RTL9: variants seen among roughly 807,000 people sequenced by gnomAD.
The protein encoded by RTL9 is retrotransposon Gag-like protein 9.
RTL9 carries 19 observed loss-of-function variants against 44.7 expected under a neutral mutation model. The ratio of observed to expected loss-of-function variants is 0.42; its 90% CI spans 0.30 to 0.62. The LOEUF (loss-of-function observed/expected upper bound fraction) is 0.62. Ranked by LOEUF, RTL9 falls within the 20% of genes least tolerant of loss-of-function variation. The probability of loss-of-function intolerance (pLI) is 0.16; values close to 1 mark genes in which losing one functional copy is unlikely to be tolerated. For missense variants in RTL9, 1,105 were observed against 1,080.6 expected (o/e 1.02, Z -0.32); for synonymous variants, 407 against 398.9 (o/e 1.02, Z -0.24).
chrX:110,375,784 A>G (rs183921460), intron 1 of RTL9, among the ~76,000 whole-genome samples: 427 of 112,260 alleles, frequency 3.8e-3, no homozygotes, highest in Middle Eastern at 0.014. Flanking sequence ...AATGATTTCA[A>G]GTTTTCTTAG....
At chrX:110,389,894 A>T (rs2068483082) in intron 1 of RTL9, among the ~76,000 whole-genome samples, 1 of 112,216 alleles carries the variant, frequency 8.9e-6, no homozygotes, top group South Asian at 3.7e-4. Context: ...AGAAGCATAG[A>T]CACATCCTGT....
intron 1 of RTL9, among the ~76,000 whole-genome samples, chrX:110,374,901 TATG>T (rs2068365616): frequency 9.0e-6 from 1 of 111,199 alleles, no homozygotes; most frequent in African/African-American, 3.3e-5. Context: ...AGTGTCTGCA[TATG>T]ATATTATACA....
chrX:110,429,762 G>A (rs1056414166), intron 1 of RTL9, among the ~76,000 whole-genome samples: 3 of 112,095 alleles, frequency 2.7e-5, no homozygotes, highest in African/African-American at 9.7e-5. Context: ...GATTACAGGC[G>A]TTGAGCCACC....
intron 1 of RTL9, chrX:110,426,698 C>T (rs184149915): frequency 2.7e-5 from 3 of 111,730 alleles, no homozygotes; most frequent in East Asian, 2.8e-4. Context: ...ACCTGGAGCT[C>T]GGGTGGGTGG....
intron 1 of RTL9, among the ~76,000 whole-genome samples, chrX:110,427,065 A>G (rs573226799): frequency 8.9e-6 from 1 of 112,171 alleles, no homozygotes; most frequent in South Asian, 3.8e-4. Context: ...CCTGCCAAGT[A>G]TATTTCCTAA....
rs746059816 is a variant in RTL9 at position 110,434,706 on chromosome X, G to A, written c.-167-10447G>A. Among the ~76,000 whole-genome samples the A allele has an allele frequency of 2.7e-5, 3 of 111,421 alleles. No homozygotes were observed. In the South Asian group the frequency reaches 1.2e-3, roughly 43 times the overall value. Reference sequence around the variant, plus strand: ...CTTGCTGGGTTTGGAGTGCTGGATAGCGGACATGTCCAGCAAGAAACTGGG... The same window carrying A: ...CTTGCTGGGTTTGGAGTGCTGGATAACGGACATGTCCAGCAAGAAACTGGG... On this transcript the variant is annotated intron_variant, in intron 1 of 3. Coordinates refer to the RTL9 transcript ENST00000465301.
exon 2 of RTL9, chrX:110,455,590 C>G (rs2068976135): frequency 3.9e-6 from 1 of 254,505 alleles, no homozygotes; most frequent in South Asian, 1.8e-4. Flanking sequence ...CGAGGCCAGT[C>G]CTAGTTCTTG....
chrX:110,414,961 CAT>C (rs761841113), upstream of RTL9, among the ~76,000 whole-genome samples: 1 of 110,494 alleles, frequency 9.1e-6, no homozygotes, highest in Non-Finnish European at 1.9e-5. Flanking sequence ...AAGAAGAAAG[CAT>C]ATATATATAT....
rs902351276 is a variant in RTL9 at position 110,362,688 on chromosome X, T to G, written c.-168+3772T>G. ...ATATGATAAATGAAGTATTTACCAG[T>G]TCTTACTGACTGTTCTTTCATACTT... On this transcript the variant is annotated intron_variant, in intron 1 of 2. Coordinates refer to the RTL9 transcript ENST00000520821. Among the ~76,000 whole-genome samples the G allele has an allele frequency of 2.7e-5, 3 of 112,052 alleles. No homozygotes were observed. In the Admixed American group the frequency reaches 2.8e-4, roughly 11 times the overall value.
At chrX:110,407,052 A>G (rs1264335096) in intron 1 of RTL9, among the ~76,000 whole-genome samples, 5 of 111,550 alleles carry the variant, frequency 4.5e-5, no homozygotes. Context: ...AAGCTCTGGT[A>G]TTGCGCAAAC....
chrX:110,411,965 A>G (rs1405614752), intron 1 of RTL9, among the ~76,000 whole-genome samples: 2 of 112,787 alleles, frequency 1.8e-5, no homozygotes, highest in Non-Finnish European at 3.7e-5. Context: ...CTGTAGACCA[A>G]TGAGAAGATA....
At chrX:110,372,386 G>A (rs2068345361) in intron 1 of RTL9, among the ~76,000 whole-genome samples, 1 of 112,366 alleles carries the variant, frequency 8.9e-6, no homozygotes, top group African/African-American at 3.2e-5. Flanking sequence ...ATCCGTGCTG[G>A]AAGTAACAGT....
At chrX:110,431,789 T>A (rs1333295231) in intron 1 of RTL9, among the ~76,000 whole-genome samples, 1 of 111,983 alleles carries the variant, frequency 8.9e-6, no homozygotes, top group African/African-American at 3.3e-5. Context: ...GGGGAAGTCA[T>A]TGCTGAAGAC....
intron 1 of RTL9, among the ~76,000 whole-genome samples, chrX:110,409,818 C>T (rs2068629300): frequency 9.0e-6 from 1 of 111,444 alleles, no homozygotes; most frequent in African/African-American, 3.3e-5. Context: ...GGCAGCACCT[C>T]ACTTAGAGAT....
chrX:110,452,143 C>A (rs1468404850), exon 1 of RTL9: 2 of 1,211,846 alleles, frequency 1.7e-6, no homozygotes, highest in Non-Finnish European at 1.1e-6. Flanking sequence ...ACTTCTGGAG[C>A]AATGTCCACC....
chrX:110,432,561 A>T (rs1179157526), intron 1 of RTL9, among the ~76,000 whole-genome samples: 1 of 111,499 alleles, frequency 9.0e-6, no homozygotes, highest in Non-Finnish European at 1.9e-5. Flanking sequence ...TGAGCGTGGC[A>T]CCTCATTGCT....
intron 1 of RTL9, among the ~76,000 whole-genome samples, chrX:110,363,785 T>C (rs2068279581): frequency 9.0e-6 from 1 of 111,362 alleles, no homozygotes; most frequent in African/African-American, 3.3e-5. Flanking sequence ...TCACCAGTAA[T>C]AACAGTCACC....
chrX:110,382,941 C>T (rs1320676655), intron 1 of RTL9, among the ~76,000 whole-genome samples: 1 of 112,029 alleles, frequency 8.9e-6, no homozygotes, highest in Non-Finnish European at 1.9e-5. Context: ...TTTGGTGGCC[C>T]ATGGCCTATA....
At chrX:110,452,747 G>A in exon 1 of RTL9, 1 of 1,210,618 alleles carries the variant, frequency 8.3e-7, no homozygotes, top group African/African-American at 1.7e-5. Context: ...CCTCACTAAT[G>A]AGAGCCAAAG....
Sources: gnomAD v4.1 joint callset for allele counts (sites outside exome capture counted in the v4.1 genomes callset) on GRCh38, gnomAD v4.1.1 for gene constraint, MANE v1.5 for transcripts, NCBI Gene and HGNC (gene_info 2026-07-23, HGNC 2026-07-21) for gene names.